NOS1AP: variants seen among roughly 807,000 people sequenced by gnomAD.
NOS1AP encodes the protein nitric oxide synthase 1 adaptor protein.
In NOS1AP, 21 loss-of-function variants were observed where a neutral mutation model predicts 56.2. The observed-to-expected ratio is 0.37, with a 90% CI of 0.26 to 0.54. The LOEUF is 0.54. Ranked by LOEUF, NOS1AP falls within the 20% of genes least tolerant of loss-of-function variation. NOS1AP has a pLI of 0.84. For missense variants in NOS1AP, 522 were observed against 657.8 expected (o/e 0.79, Z 2.26); for synonymous variants, 270 against 274.6 (o/e 0.98, Z 0.17).
intron 4 of NOS1AP, among the ~76,000 whole-genome samples, chr1:162,313,436 A>T (rs1283648310): frequency 6.6e-6 from 1 of 152,220 alleles, no homozygotes; most frequent in African/African-American, 2.4e-5. Flanking sequence ...TTCTACATTT[A>T]GTTCTAAATT....
chr1:162,314,378 C>A (rs1195262465), intron 4 of NOS1AP, among the ~76,000 whole-genome samples: 3 of 152,184 alleles, frequency 2.0e-5, no homozygotes, highest in Non-Finnish European at 2.9e-5. Flanking sequence ...AAATTAAATA[C>A]TGTTTGCCAG....
rs75676155 is a variant in NOS1AP at position 162,222,853 on chromosome 1, C to T, written c.178-64491C>T. 4.5e-3 allele frequency among the ~76,000 whole-genome samples: 685 copies of T among 152,246 alleles called. 3 individuals carry two copies. The highest frequency in any genetic ancestry group is 7.5e-3 in the Non-Finnish European group (513 of 68,018). Reference sequence around the variant, plus strand: ...ACTTTTAAGCATGGATATTTGCATTCCTTGTGGGGTGAGGTTAAGATCACG... The same window carrying T: ...ACTTTTAAGCATGGATATTTGCATTTCTTGTGGGGTGAGGTTAAGATCACG... On this transcript the variant is annotated intron_variant, in intron 2 of 9. Transcript: ENST00000361897.
chr1:162,105,258 T>C (rs1394388431), intron 1 of NOS1AP, among the ~76,000 whole-genome samples: 4 of 152,226 alleles, frequency 2.6e-5, no homozygotes, highest in African/African-American at 7.2e-5. Flanking sequence ...ACAGCAAAGA[T>C]GGCAGGCTGC....
intron 2 of NOS1AP, among the ~76,000 whole-genome samples, chr1:162,256,589 C>G (rs989153310): frequency 1.3e-5 from 2 of 152,208 alleles, no homozygotes; most frequent in African/African-American, 4.8e-5. Flanking sequence ...GCACTGTTTT[C>G]CTTCCTTGTC....
chr1:162,264,469 C>CCTCTCCTCTCCTCTCCTCT (rs373124349), intron 2 of NOS1AP, among the ~76,000 whole-genome samples: 5 of 31,862 alleles, frequency 1.6e-4, no homozygotes, highest in African/African-American at 1.5e-3. Context: ...TCTTCTCCTC[C>CCTCTCCTCTCCTCTCCTCT]CCTCCCCTCC....
chr1:162,326,478 T>C (rs192582345), intron 4 of NOS1AP, among the ~76,000 whole-genome samples: 94 of 152,318 alleles, frequency 6.2e-4, no homozygotes, highest in African/African-American at 2.2e-3. Context: ...ACATATTACA[T>C]GTGTTTATGT....
At chr1:162,355,743 C>T (rs1222217849) in intron 7 of NOS1AP, among the ~76,000 whole-genome samples, 1 of 152,164 alleles carries the variant, frequency 6.6e-6, no homozygotes, top group Non-Finnish European at 1.5e-5. Flanking sequence ...TGGGCCCGCT[C>T]TGCCTGCAGT....
Position 162,367,078 on chromosome 1 carries a change from A to T in NOS1AP, c.1132A>T (p.Ile378Phe). 1 of 1,613,832 alleles carries T rather than the reference A, an allele frequency of 6.2e-7. No individual in the cohort carries two copies. Among genetic ancestry groups the T allele is most frequent in the South Asian group, 1.1e-5 (1 of 91,068 alleles). Residue 378 changes from isoleucine (I) to phenylalanine (F), a missense_variant, in exon 10 of 10, where the codon ATC becomes TTC. By Grantham distance (21) the Ile-to-Phe change is conservative. This residue lies in a region of NOS1AP where 52 missense variants were observed against 94.5 expected (regional missense o/e 0.55). Coordinates refer to ENST00000361897, the MANE Select transcript of NOS1AP (RefSeq NM_014697.3). The surrounding 1 kb of genome is among the most constrained non-coding windows in gnomAD (Gnocchi z 6.5). Reference protein sequence around the residue: ...AMGSQDSLLEITFRSGALPVL... With the variant: ...AMGSQDSLLEFTFRSGALPVL... Reference sequence around the variant, plus strand: ...GGGCTCCCAGGACAGCTTGCTGGAGATCACCTTCCGCTCCGGAGCCCTGCC... The same window carrying T: ...GGGCTCCCAGGACAGCTTGCTGGAGTTCACCTTCCGCTCCGGAGCCCTGCC...
intron 1 of NOS1AP, among the ~76,000 whole-genome samples, chr1:162,114,892 T>C (rs997635730): frequency 6.6e-6 from 1 of 152,224 alleles, no homozygotes; most frequent in Non-Finnish European, 1.5e-5. Context: ...TATCTCCTGT[T>C]GCATTTGTCT....
At chr1:162,331,719 C>T (rs1215667481) in intron 4 of NOS1AP, among the ~76,000 whole-genome samples, 1 of 152,138 alleles carries the variant, frequency 6.6e-6, no homozygotes, top group Non-Finnish European at 1.5e-5. Flanking sequence ...ATGATGTGGC[C>T]TCTTAGGTGC....
At chr1:162,276,270 T>G (rs1328844049) in intron 2 of NOS1AP, among the ~76,000 whole-genome samples, 1 of 152,156 alleles carries the variant, frequency 6.6e-6, no homozygotes, top group Non-Finnish European at 1.5e-5. Flanking sequence ...GTTCATTTGT[T>G]GTCATAGAAA....
intron 1 of NOS1AP, among the ~76,000 whole-genome samples, chr1:162,145,713 A>T (rs1649434710): frequency 6.6e-6 from 1 of 152,120 alleles, no homozygotes; most frequent in South Asian, 2.1e-4. Flanking sequence ...AGTACAGAGG[A>T]TAGGTTCAGG....
At chr1:162,296,362 C>G (rs1243704383) in intron 3 of NOS1AP, among the ~76,000 whole-genome samples, 1 of 152,132 alleles carries the variant, frequency 6.6e-6, no homozygotes, top group Non-Finnish European at 1.5e-5. Context: ...CTGTTACTCC[C>G]CAAACCCATT....
chr1:162,176,230 T>C (rs1289076440), intron 2 of NOS1AP, among the ~76,000 whole-genome samples: 3 of 152,176 alleles, frequency 2.0e-5, no homozygotes, highest in African/African-American at 7.2e-5. Flanking sequence ...TCTGTGGGTT[T>C]TTGTCAAATG....
chr1:162,231,834 A>C (rs1653134130), intron 2 of NOS1AP, among the ~76,000 whole-genome samples: 1 of 152,242 alleles, frequency 6.6e-6, no homozygotes, highest in Non-Finnish European at 1.5e-5. Flanking sequence ...TGTTCTAAAA[A>C]GTTACGAAAA....
chr1:162,283,434 A>G (rs1654996386), intron 2 of NOS1AP, among the ~76,000 whole-genome samples: 1 of 152,060 alleles, frequency 6.6e-6, no homozygotes, highest in African/African-American at 2.4e-5. Flanking sequence ...TGACCAGGAC[A>G]GAGATATATA....
intron 2 of NOS1AP, among the ~76,000 whole-genome samples, chr1:162,178,786 T>C (rs987916985): frequency 3.3e-5 from 5 of 152,260 alleles, no homozygotes; most frequent in African/African-American, 1.2e-4. Context: ...GTGAAAGTTG[T>C]AGCCTTGCCT....
At chr1:162,152,190 G>A (rs970783125) in intron 1 of NOS1AP, among the ~76,000 whole-genome samples, 1 of 152,206 alleles carries the variant, frequency 6.6e-6, no homozygotes, top group African/African-American at 2.4e-5. Context: ...GCCCAATGGT[G>A]GGTCTCACTG....
chr1:162,297,044 G>A (rs1303728246), intron 3 of NOS1AP, among the ~76,000 whole-genome samples: 1 of 152,188 alleles, frequency 6.6e-6, no homozygotes, highest in Admixed American at 6.5e-5. Flanking sequence ...GGCTCCCCAT[G>A]GTCAGTCAGG....
Sources: allele counts gnomAD v4.1 joint callset (sites outside exome capture counted in the v4.1 genomes callset), GRCh38; gene constraint gnomAD v4.1.1; regional missense constraint gnomAD v4.1.1; non-coding constraint Gnocchi (gnomAD v3.1); transcripts MANE v1.5; gene names NCBI Gene and HGNC (gene_info 2026-07-23, HGNC 2026-07-21).